Variants in GRIN2B observed in about 807,000 individuals in gnomAD.
The protein encoded by GRIN2B is glutamate ionotropic receptor NMDA type subunit 2B, also known as glutamate receptor ionotropic, NMDA 2B.
A neutral mutation model predicts 114.5 loss-of-function variants in GRIN2B; 5 were observed. That is an observed-to-expected ratio of 0.04 (90% CI 0.02 to 0.09). The LOEUF (loss-of-function observed/expected upper bound fraction) is 0.09, where lower values mean the gene tolerates loss of function less well. Ranked by LOEUF, GRIN2B falls within the 10% of genes least tolerant of loss-of-function variation. GRIN2B has a pLI of 1.00. For missense variants in GRIN2B, 1,108 were observed against 1,943.5 expected (o/e 0.57, Z 8.08); for synonymous variants, 787 against 745.1 (o/e 1.06, Z -0.92).
intron 5 of GRIN2B, among the ~76,000 whole-genome samples, chr12:13,652,924 C>T (rs1949829189): frequency 6.6e-6 from 1 of 152,150 alleles, no homozygotes; most frequent in South Asian, 2.1e-4. Context: ...CTTAGCGGGG[C>T]TTTGAGTTTT....
chr12:13,793,723 C>T (rs1284214186), intron 3 of GRIN2B, among the ~76,000 whole-genome samples: 1 of 152,156 alleles, frequency 6.6e-6, no homozygotes, highest in East Asian at 1.9e-4. Flanking sequence ...ATTCCAGCTG[C>T]TTTCTCCATA....
intron 3 of GRIN2B, among the ~76,000 whole-genome samples, chr12:13,828,197 T>A (rs527753291): frequency 4.6e-5 from 7 of 152,366 alleles, no homozygotes; most frequent in African/African-American, 1.4e-4. Flanking sequence ...AGTTTGTTCC[T>A]CTTTATGGCA....
At chr12:13,665,780 A>G (rs925086196) in intron 5 of GRIN2B, among the ~76,000 whole-genome samples, 3 of 152,168 alleles carry the variant, frequency 2.0e-5, no homozygotes, top group South Asian at 2.1e-4. Context: ...AAATCTTCCT[A>G]ATGTCCCTTA....
chr12:13,618,986 G>GAAA (rs3081920), intron 5 of GRIN2B, among the ~76,000 whole-genome samples: 40 of 151,444 alleles, frequency 2.6e-4, no homozygotes, highest in East Asian at 9.7e-4. Context: ...ACCCAAAAAG[G>GAAA]AAAAAAAAGA....
chr12:13,913,910 A>C (rs1866666312), intron 2 of GRIN2B, among the ~76,000 whole-genome samples: 1 of 152,196 alleles, frequency 6.6e-6, no homozygotes, highest in Non-Finnish European at 1.5e-5. Flanking sequence ...AGTAGCTGAG[A>C]GGATTAAATA....
chr12:13,833,954 T>A lies in GRIN2B; in HGVS notation c.411+31844A>T, dbSNP rs1002869642. Reference sequence around the variant, plus strand: ...CATTTGAAAGCTTGCTGCCTCGTGATGTACACATGCCCACTGCCTACAGAA... The same window carrying A: ...CATTTGAAAGCTTGCTGCCTCGTGAAGTACACATGCCCACTGCCTACAGAA... On this transcript the variant is annotated intron_variant, in intron 3 of 13. Transcript: ENST00000609686. Among the ~76,000 whole-genome samples, 3 of 151,722 alleles carry A rather than the reference T, an allele frequency of 2.0e-5. No individual in the cohort carries two copies. The East Asian group carries it at 5.8e-4, about 29-fold the overall frequency.
intron 3 of GRIN2B, among the ~76,000 whole-genome samples, chr12:13,794,564 A>T (rs1864383583): frequency 6.6e-6 from 1 of 152,232 alleles, no homozygotes; most frequent in Non-Finnish European, 1.5e-5. Context: ...ATCCAAGAAA[A>T]TAAAATAGTT....
At chr12:13,658,267 A>G (rs1949887320) in intron 5 of GRIN2B, among the ~76,000 whole-genome samples, 1 of 152,086 alleles carries the variant, frequency 6.6e-6, no homozygotes. Flanking sequence ...AAAAGGACTA[A>G]AATGATATAA....
rs11055522 is a variant in GRIN2B, at chr12:13,550,807, G to A, written c.*11976C>T. The A allele has an allele frequency of 0.26, 38,976 of 152,042 alleles. 5,675 individuals carry two copies. Among genetic ancestry groups the A allele is most frequent in the East Asian group, 0.51 (2,610 of 5,146 alleles). 9.4% of individuals were successfully genotyped at this position (152,042 alleles called of 1,614,324 possible). A position where few individuals can be genotyped will look rare whatever the true frequency, so the allele number is the denominator to read the frequency against. On this transcript the variant is annotated 3_prime_UTR_variant, in exon 14 of 14. Coordinates refer to ENST00000609686, the MANE Select transcript of GRIN2B (RefSeq NM_000834.5). ...AACATTAAGTACCATGCACGTGTTC[G>A]AGCTCTGTGCTCACTCAACTTCTCA...
chr12:13,814,907 G>A (rs191187408), intron 3 of GRIN2B, among the ~76,000 whole-genome samples: 14 of 152,178 alleles, frequency 9.2e-5, no homozygotes, highest in South Asian at 2.1e-4. Context: ...AGTTCTTCTT[G>A]TCTATGAATG....
At chr12:13,909,215 T>C (rs1192165283) in intron 2 of GRIN2B, among the ~76,000 whole-genome samples, 1 of 152,216 alleles carries the variant, frequency 6.6e-6, no homozygotes, top group Non-Finnish European at 1.5e-5. Context: ...AAAGTTGACT[T>C]ACTACTGCTT....
intron 3 of GRIN2B, among the ~76,000 whole-genome samples, chr12:13,758,716 G>A (rs1470076975): frequency 1.3e-5 from 2 of 152,126 alleles, no homozygotes; most frequent in Admixed American, 1.3e-4. Context: ...TTTTAGGTAT[G>A]TTATCTTTTC....
intron 2 of GRIN2B, among the ~76,000 whole-genome samples, chr12:13,956,549 C>CT (rs1293569930): frequency 6.6e-6 from 1 of 152,156 alleles, no homozygotes; most frequent in Admixed American, 6.5e-5. Context: ...AAACAAGCGC[C>CT]TTTTTCTCCA....
At chr12:13,878,448 A>T (rs2136761849) in intron 2 of GRIN2B, among the ~76,000 whole-genome samples, 1 of 152,312 alleles carries the variant, frequency 6.6e-6, no homozygotes, top group East Asian at 1.9e-4. Flanking sequence ...CCAGGATGCC[A>T]GTTCATTTCT....
At chr12:13,859,007 G>A (rs1865709156) in intron 3 of GRIN2B, among the ~76,000 whole-genome samples, 1 of 152,184 alleles carries the variant, frequency 6.6e-6, no homozygotes, top group Admixed American at 6.5e-5. Flanking sequence ...GACAAGTCTG[G>A]TTTTTGAGAA....
At chr12:13,907,883 T>C (rs951891415) in intron 2 of GRIN2B, among the ~76,000 whole-genome samples, 3 of 152,210 alleles carry the variant, frequency 2.0e-5, no homozygotes, top group African/African-American at 7.2e-5. Context: ...AAATAATTCA[T>C]CTTTTTCTTT....
chr12:13,731,841 G>A (rs1172516136), intron 4 of GRIN2B, among the ~76,000 whole-genome samples: 2 of 152,060 alleles, frequency 1.3e-5, no homozygotes, highest in Non-Finnish European at 2.9e-5. Context: ...CTCTCATATA[G>A]TAATAATGAG....
rs115091258 is a variant in GRIN2B, at chr12:13,581,045, C to T, written c.2011-9081G>A. 2.8e-3 allele frequency among the ~76,000 whole-genome samples: 427 copies of T among 152,232 alleles called. 3 individuals are homozygous for T. The highest frequency in any genetic ancestry group is 9.7e-3 in the African/African-American group (404 of 41,538). ...AGTAGTATTCCATTATGTGAATGCA[C>T]CAGTTGATCCATTTATCTATTGAAG... On this transcript the variant is annotated intron_variant, in intron 10 of 13. Transcript: ENST00000609686.
chr12:13,598,751 C>G (rs1591631424), intron 10 of GRIN2B, among the ~76,000 whole-genome samples: 1 of 152,240 alleles, frequency 6.6e-6, no homozygotes, highest in East Asian at 1.9e-4. Context: ...TTATTTCCAG[C>G]TGGTTGGAGA....
Sources: allele counts gnomAD v4.1 joint callset (sites outside exome capture counted in the v4.1 genomes callset), GRCh38; gene constraint gnomAD v4.1.1; transcripts MANE v1.5; gene names NCBI Gene and HGNC (gene_info 2026-07-23, HGNC 2026-07-21).